RAB6B: variants seen among roughly 807,000 people sequenced by gnomAD.
RAB6B encodes RAB6B, member RAS oncogene family.
In RAB6B, 7 loss-of-function variants were observed where a neutral mutation model predicts 31.2. That is an observed-to-expected ratio of 0.22 (90% CI 0.13 to 0.42). The LOEUF (loss-of-function observed/expected upper bound fraction) is 0.42. Among genes scored for constraint, RAB6B ranks in the 10% least tolerant of loss-of-function variants. The probability of loss-of-function intolerance (pLI) is 1.00; values close to 1 mark genes in which losing one functional copy is unlikely to be tolerated. For missense variants in RAB6B, 149 were observed against 280.6 expected, an observed-to-expected ratio of 0.53 and a Z score of 3.35; for synonymous variants, 105 against 104.9, an observed-to-expected ratio of 1.00 and a Z score of -0.01.
chr3:133,845,482 C>T (rs1935896993), intron 2 of RAB6B, among the ~76,000 whole-genome samples: 1 of 152,202 alleles, frequency 6.6e-6, no homozygotes, highest in Non-Finnish European at 1.5e-5. Context: ...GAGCCTTGAT[C>T]TTGGAAGGAA....
intron 1 of RAB6B, among the ~76,000 whole-genome samples, chr3:133,884,787 C>T (rs1936516983): frequency 6.6e-6 from 1 of 151,466 alleles, no homozygotes; most frequent in African/African-American, 2.4e-5. Context: ...CAGGGGGCCC[C>T]ACATATCCCA....
intron 2 of RAB6B, among the ~76,000 whole-genome samples, chr3:133,861,319 G>C (rs191085382): frequency 7.0e-4 from 107 of 152,328 alleles, no homozygotes; most frequent in African/African-American, 2.6e-3. Flanking sequence ...GTGATGGGCA[G>C]GGTGTTGAGA....
intron 1 of RAB6B, 34 bp from the exon 2 acceptor site, chr3:133,864,676 T>A: frequency 6.3e-7 from 1 of 1,590,742 alleles, no homozygotes; most frequent in Non-Finnish European, 8.6e-7. Flanking sequence ...TGTTCAGTCA[T>A]GGCATCTGAG....
intron 7 of RAB6B, among the ~76,000 whole-genome samples, chr3:133,833,430 A>AC (rs561162450): frequency 7.3e-5 from 11 of 149,966 alleles, no homozygotes; most frequent in South Asian, 6.4e-4. Flanking sequence ...AGCCTTCCTG[A>AC]CCCCCCCGGG....
intron 1 of RAB6B, among the ~76,000 whole-genome samples, chr3:133,865,542 C>T (rs940375834): frequency 5.3e-5 from 8 of 152,238 alleles, no homozygotes; most frequent in East Asian, 1.9e-4. Flanking sequence ...GGGCCCTGCA[C>T]GGATGCCTGT....
chr3:133,863,763 A>C (rs1158437922), intron 2 of RAB6B, among the ~76,000 whole-genome samples: 1 of 152,208 alleles, frequency 6.6e-6, no homozygotes, highest in African/African-American at 2.4e-5. Context: ...CCACTAGTGT[A>C]GAAAAATGCA....
chr3:133,828,694 G>T lies in RAB6B; in HGVS notation c.*94C>A. 2 of 1,012,852 alleles carry T rather than the reference G, an allele frequency of 2.0e-6. No individual in the cohort carries two copies. Among genetic ancestry groups the T allele is most frequent in the Non-Finnish European group, 1.4e-6 (1 of 705,338 alleles). 62.7% of individuals were successfully genotyped at this position (1,012,852 alleles called of 1,614,324 possible). A position where few individuals can be genotyped will look rare whatever the true frequency, so the allele number is the denominator to read the frequency against. On this transcript the variant is annotated 3_prime_UTR_variant, in exon 8 of 8. Coordinates refer to ENST00000285208, the MANE Select transcript of RAB6B (RefSeq NM_016577.4). ...GAGAAAAGAAAAATCCTCCCATCTT[G>T]ATAACTCGGTTCCCTCCCCCCTTAG...
intron 1 of RAB6B, among the ~76,000 whole-genome samples, chr3:133,882,848 G>A (rs1382188483): frequency 6.6e-6 from 1 of 152,206 alleles, no homozygotes; most frequent in Non-Finnish European, 1.5e-5. Flanking sequence ...TCAGGGTCAG[G>A]TGGCTAGCTA....
chr3:133,865,238 T>C (rs1039164186), intron 1 of RAB6B, among the ~76,000 whole-genome samples: 1 of 152,162 alleles, frequency 6.6e-6, no homozygotes, highest in Non-Finnish European at 1.5e-5. Context: ...CCCCGCTAGG[T>C]AAATGCCAGG....
chr3:133,895,045 C>G (rs1463989552), intron 1 of RAB6B, among the ~76,000 whole-genome samples: 1 of 152,210 alleles, frequency 6.6e-6, no homozygotes, highest in African/African-American at 2.4e-5. Context: ...CGCCCGCAGC[C>G]GGTGCCGCAG....
At chr3:133,858,512 C>T (rs1649058581) in intron 2 of RAB6B, among the ~76,000 whole-genome samples, 1 of 152,192 alleles carries the variant, frequency 6.6e-6, no homozygotes, top group South Asian at 2.1e-4. Flanking sequence ...CCCTCCCTGG[C>T]TTACAGATGG....
intron 2 of RAB6B, among the ~76,000 whole-genome samples, chr3:133,863,416 C>T (rs887989525): frequency 2.0e-5 from 3 of 152,210 alleles, no homozygotes; most frequent in African/African-American, 7.2e-5. Context: ...GAGCTGTGCT[C>T]CACATACTCT....
chr3:133,828,243 T>G lies in RAB6B; in HGVS notation c.*545A>C, dbSNP rs1359144631. ...TTCAGAGGCTGATGTGTTCAACCAA[T>G]GTTTGATTTAACTGGAGTAGGGCCT... On this transcript the variant is annotated 3_prime_UTR_variant, in exon 8 of 8. Transcript: ENST00000285208. The G allele has an allele frequency of 2.0e-6, 1 of 507,880 alleles. No individual in the cohort carries two copies. Among genetic ancestry groups the G allele is most frequent in the African/African-American group, 1.9e-5 (1 of 51,984 alleles). 31.5% of individuals were successfully genotyped at this position (507,880 alleles called of 1,614,324 possible).
chr3:133,877,770 T>C (rs1350572610), intron 1 of RAB6B, among the ~76,000 whole-genome samples: 1 of 148,460 alleles, frequency 6.7e-6, no homozygotes, highest in Non-Finnish European at 1.5e-5. Flanking sequence ...ATATATATTA[T>C]ATATAACTTA....
Position 133,895,671 on chromosome 3 carries a change from G to C in RAB6B, c.-205C>G, listed in dbSNP as rs1936701686. On this transcript the variant is annotated 5_prime_UTR_variant, in exon 1 of 8. Transcript: ENST00000285208. ...CGGCGGAGGAGGAGGAGGAGAGAGA[G>C]GCGGAGGCGGAGGAAGGCTGGGGCT... The C allele has an allele frequency of 1.7e-6, 1 of 593,660 alleles. No homozygotes were observed. The highest frequency in any genetic ancestry group is 1.9e-5 in the African/African-American group (1 of 52,146). The allele number at this position is 593,660 out of a possible 1,614,324, so 36.8% of individuals were successfully genotyped here. A position where few individuals can be genotyped will look rare whatever the true frequency, so the allele number is the denominator to read the frequency against.
chr3:133,842,747 C>G (rs1935854027), intron 2 of RAB6B, among the ~76,000 whole-genome samples: 1 of 152,212 alleles, frequency 6.6e-6, no homozygotes, highest in African/African-American at 2.4e-5. Context: ...TGAAGGGAAT[C>G]TGCTAACATG....
chr3:133,861,980 GA>G (rs1410594759), intron 2 of RAB6B, among the ~76,000 whole-genome samples: 1 of 152,040 alleles, frequency 6.6e-6, no homozygotes, highest in Non-Finnish European at 1.5e-5. Context: ...ACCATGTTAG[GA>G]AAAACAAACA....
At chr3:133,872,100 C>A (rs1009335530) in intron 1 of RAB6B, among the ~76,000 whole-genome samples, 6 of 152,236 alleles carry the variant, frequency 3.9e-5, no homozygotes, top group Non-Finnish European at 8.8e-5. Context: ...ATCTCTGCAT[C>A]CCCGGCCCAC....
At position 133,872,532 on chromosome 3, in the gene RAB6B, C is replaced by T. The variant is rs530498031; in HGVS notation, c.71-7890G>A. Among the ~76,000 whole-genome samples, 7 of 152,344 alleles carry T rather than the reference C, an allele frequency of 4.6e-5. No individual in the cohort carries two copies. In the South Asian group the frequency reaches 1.4e-3, roughly 32 times the overall value. ...TCCATCTGAACCTTGTTTCCTTTGG[C>T]TCTGTTTTCACCAAACAGAAAGTCC... On this transcript the variant is annotated intron_variant, in intron 1 of 7. Transcript: ENST00000285208.
Sources: gnomAD v4.1 joint callset for allele counts (sites outside exome capture counted in the v4.1 genomes callset) on GRCh38, gnomAD v4.1.1 for gene constraint, MANE v1.5 for transcripts, NCBI Gene and HGNC (gene_info 2026-07-23, HGNC 2026-07-21) for gene names.